The following PER1 variants were observed in gnomAD, a reference collection of about 807,000 sequenced individuals.
PER1 encodes period circadian protein homolog 1.
Under a neutral mutation model 125.9 loss-of-function variants are expected in PER1, and 87 were observed. The ratio of observed to expected loss-of-function variants is 0.69; its 90% CI spans 0.58 to 0.83. PER1 has a LOEUF of 0.83. Ranked by LOEUF, PER1 falls within the 40% of genes least tolerant of loss-of-function variation. The pLI is 0.00. For synonymous variants in PER1, 801 were observed against 714.7 expected, an observed-to-expected ratio of 1.12 and a Z score of -1.93; for missense variants, 1,775 against 1,722.8, an observed-to-expected ratio of 1.03 and a Z score of -0.54.
rs773913770 is a variant in PER1, at chr17:8,147,570, AG to A, written c.1396del (p.Leu466Ter). ...LGRHKVRTAPLNEDVFTPPAP... is the reference protein window; with the variant it reads ...LGRHKVRTAPXNEDVFTPPAP... ...CGGGGGAGTGAACACGTCCTCATTC[AG>A]GGGGGCCCTGTAGAGTGAAGAGTGA... is the stretch of plus-strand genomic sequence containing the variant. On this transcript the variant is annotated frameshift_variant, in exon 12 of 23. Coordinates refer to ENST00000317276, the MANE Select transcript of PER1 (RefSeq NM_002616.3). LOFTEE classifies it high-confidence loss of function. The A allele has an allele frequency of 1.2e-6, 2 of 1,613,482 alleles. No individual in the cohort carries two copies. The highest frequency in any genetic ancestry group is 8.5e-7 in the Non-Finnish European group (1 of 1,179,606).
chr17:8,144,538 C>T (rs1286582426), intron 18 of PER1: 3 of 576,622 alleles, frequency 5.2e-6, no homozygotes, highest in Middle Eastern at 2.6e-4. Context: ...ATCCCAGTGC[C>T]ATCCCCCCAG....
At position 8,142,032 on chromosome 17, in the gene PER1, C is replaced by T. The variant is rs189257351; in HGVS notation, c.3450-77G>A. 3.2e-6 allele frequency: 5 copies of T among 1,572,614 alleles called. No individual in the cohort carries two copies. In the Admixed American group the frequency reaches 5.1e-5, roughly 16 times the overall value. ...AGGACCCATGAAGCTGGCATCCTTC[C>T]TCTACCACAGCTTCCCACCTCATGC... On this transcript the variant is annotated intron_variant, in intron 21 of 22. Transcript: ENST00000317276.
At chr17:8,151,026 G>C (rs1477986689) in intron 1 of PER1, among the ~76,000 whole-genome samples, 181 bp from the exon 2 acceptor site, 1 of 152,188 alleles carries the variant, frequency 6.6e-6, no homozygotes, top group African/African-American at 2.4e-5. Context: ...GGGACTGCCA[G>C]CGGGAGAAGG....
chr17:8,146,585 A>G lies in PER1; in HGVS notation c.1907+9T>C. ...GCCCGAGGTGGAGAAGATGCCTGGC[A>G]GGCCTTACCTGAGGATGCTGTCCAG... On this transcript the variant is annotated intron_variant, in intron 15 of 22. Coordinates refer to ENST00000317276, the MANE Select transcript of PER1 (RefSeq NM_002616.3). 1 of 1,605,362 alleles carries G rather than the reference A, an allele frequency of 6.2e-7. No individual in the cohort carries two copies. The highest frequency in any genetic ancestry group is 1.1e-5 in the South Asian group (1 of 90,192).
chr17:8,142,558 G>A, intron 20 of PER1, 91 bp downstream of exon 20: 1 of 1,563,978 alleles, frequency 6.4e-7, no homozygotes, highest in Non-Finnish European at 8.7e-7. Flanking sequence ...CCATCCCAGT[G>A]GCCTTAGGAA....
At chr17:8,151,661 G>A (rs1316327114) in intron 1 of PER1, among the ~76,000 whole-genome samples, 2 of 152,076 alleles carry the variant, frequency 1.3e-5, no homozygotes, top group Non-Finnish European at 2.9e-5. Context: ...TTTAGCCCCT[G>A]CGCTGCTTCC....
At chr17:8,146,813 G>A (rs1567535062) in intron 14 of PER1, 48 bp from the exon 15 acceptor site, 1 of 1,604,586 alleles carries the variant, frequency 6.2e-7, no homozygotes, top group African/African-American at 1.3e-5. Context: ...AGCTCACATG[G>A]AAAAAAACAG....
At chr17:8,148,581 T>C (rs1982609463) in intron 8 of PER1, 63 bp downstream of exon 8, 2 of 1,525,298 alleles carry the variant, frequency 1.3e-6, no homozygotes, top group East Asian at 2.3e-5. Flanking sequence ...CAAATTCATG[T>C]CTGGCCATGA....
In PER1 at chr17:8,148,066, G is replaced by A. The variant is rs979086054; in HGVS notation, c.1165C>T (p.Leu389=). 5 of 1,612,340 alleles carry A rather than the reference G, an allele frequency of 3.1e-6. No individual in the cohort carries two copies. Among genetic ancestry groups the A allele is most frequent in the Non-Finnish European group, 4.2e-6 (5 of 1,179,376 alleles). ...PLLGYLPQDL[L]GAPVLLFLHP... ...AGGAACAGGAGCACTGGGGCCCCCA[G>A]GAGGTCCTGGGGCAGGTAGCCCAGC... The change falls in exon 10 of 23, where the codon CTG becomes TTG. Residue 389 remains leucine, a synonymous_variant. Coordinates refer to ENST00000317276, the MANE Select transcript of PER1 (RefSeq NM_002616.3).
chr17:8,152,345 A>C lies in PER1; in HGVS notation c.-148T>G, dbSNP rs1200631441. On this transcript the variant is annotated 5_prime_UTR_variant, in exon 1 of 23. Coordinates refer to ENST00000317276, the MANE Select transcript of PER1 (RefSeq NM_002616.3). ...GCCGCAGAGATGCCTACCTGGTCGC[A>C]GGAGTGTCCTCCGCACGCCTGCCCG... 6.6e-6 allele frequency: 1 copy of C among 152,392 alleles called. No individual in the cohort carries two copies. Among genetic ancestry groups the C allele is most frequent in the East Asian group, 1.9e-4 (1 of 5,224 alleles). 9.4% of individuals were successfully genotyped at this position (152,392 alleles called of 1,614,324 possible).
At position 8,146,736 on chromosome 17, in the gene PER1, G is replaced by A. The variant is rs555186218; in HGVS notation, c.1765C>T (p.Pro589Ser). The change falls in exon 15 of 23, where the codon CCC (proline) becomes TCC (serine). Residue 589 changes from proline (P) to serine (S), a missense_variant. Coordinates refer to ENST00000317276, the MANE Select transcript of PER1 (RefSeq NM_002616.3). ...AGCTCTGGGTCTGGGGATTGGCAGG[G>A]AAGGGCCTTGGCCTTGAACGTGCCT... is the stretch of plus-strand genomic sequence containing the variant. ...ATGTFKAKAL[P>S]CQSPDPELEA... The A allele has an allele frequency of 1.2e-6, 2 of 1,613,864 alleles. No homozygotes were observed. The highest frequency in any genetic ancestry group is 1.3e-5 in the African/African-American group (1 of 75,056).
chr17:8,146,511 G>A lies in PER1; in HGVS notation c.1908-9C>T. 6.2e-7 allele frequency: 1 copy of A among 1,610,948 alleles called. No homozygotes were observed. The highest frequency in any genetic ancestry group is 1.1e-5 in the South Asian group (1 of 90,544). The stretch of plus-strand genomic sequence containing the variant: ...TGCAGCTCTCCAGGTACCTGGGGAT[G>A]GACACAGCACAGGGCATCAGAGCAG... On this transcript the variant is annotated splice_polypyrimidine_tract_variant and intron_variant, in intron 15 of 22. Coordinates refer to ENST00000317276, the MANE Select transcript of PER1 (RefSeq NM_002616.3).
chr17:8,148,449 T>G lies in PER1; in HGVS notation c.1049-190A>C, dbSNP rs144282121. On this transcript the variant is annotated intron_variant, in intron 8 of 22. Transcript: ENST00000317276. Reference sequence around the variant, plus strand: ...ACATGACTGAGAGCAAGCAAGGCATTCTTCTCTGCCCTCCTCTAGCTTGGG... The same window carrying G: ...ACATGACTGAGAGCAAGCAAGGCATGCTTCTCTGCCCTCCTCTAGCTTGGG... 7.2e-4 allele frequency among the ~76,000 whole-genome samples: 109 copies of G among 152,274 alleles called. 1 individual carries two copies. Among genetic ancestry groups the G allele is most frequent in the African/African-American group, 2.5e-3 (104 of 41,548 alleles).
At position 8,146,587 on chromosome 17, in the gene PER1, G is replaced by C. The variant is rs758942435; in HGVS notation, c.1907+7C>G. 1.0e-5 allele frequency: 16 copies of C among 1,607,006 alleles called. No individual in the cohort carries two copies. The highest frequency in any genetic ancestry group is 6.7e-5 in the Admixed American group (4 of 59,448). On this transcript the variant is annotated splice_region_variant and intron_variant, in intron 15 of 22. Coordinates refer to ENST00000317276, the MANE Select transcript of PER1 (RefSeq NM_002616.3). ...CCGAGGTGGAGAAGATGCCTGGCAG[G>C]CCTTACCTGAGGATGCTGTCCAGGC...
chr17:8,150,828 T>G lies in PER1; in HGVS notation c.-122A>C. The G allele has an allele frequency of 1.1e-6, 1 of 915,160 alleles. No homozygotes were observed. Among genetic ancestry groups the G allele is most frequent in the Non-Finnish European group, 1.6e-6 (1 of 625,000 alleles). The allele number at this position is 915,160 out of a possible 1,614,324, so 56.7% of individuals were successfully genotyped here. A position where few individuals can be genotyped will look rare whatever the true frequency, so the allele number is the denominator to read the frequency against. On this transcript the variant is annotated 5_prime_UTR_variant, in exon 2 of 23. Coordinates refer to ENST00000317276, the MANE Select transcript of PER1 (RefSeq NM_002616.3). The stretch of plus-strand genomic sequence containing the variant: ...ATCTAAGTCTCTGAGGGTTGAGAAG[T>G]TCGATCACAGCCAGTACCTGGAGAG...
At position 8,147,726 on chromosome 17, in the gene PER1, G is replaced by T; in HGVS notation, c.1336C>A (p.His446Asn). 1 of 1,614,096 alleles carries T rather than the reference G, an allele frequency of 6.2e-7. No homozygotes were observed. Among genetic ancestry groups the T allele is most frequent in the Non-Finnish European group, 8.5e-7 (1 of 1,180,014 alleles). The change falls in exon 11 of 23, where the codon CAC becomes AAC. Residue 446 changes from histidine to asparagine, a missense_variant. His to Asn is a moderately conservative substitution (Grantham distance 68). Transcript: ENST00000317276. ...TMDTSWAGFVHPWSRKVAFVL... is the reference protein window; with the variant it reads ...TMDTSWAGFVNPWSRKVAFVL... ...AAGGCTACCTTGCGGCTCCAGGGGT[G>T]CACAAAGCCAGCCCAGCTGGTGTCC... is the stretch of plus-strand genomic sequence containing the variant.
intron 22 of PER1, 22 bp from the exon 23 acceptor site, chr17:8,141,362 GAGAGAGTC>G (rs1982069656): frequency 6.3e-7 from 1 of 1,579,284 alleles, no homozygotes; most frequent in Non-Finnish European, 8.6e-7. Flanking sequence ...AAATGGACAT[GAGAGAGTC>G]AGACAGGGTT....
chr17:8,147,070 A>G, intron 13 of PER1, 68 bp from the exon 14 acceptor site: 1 of 1,457,858 alleles, frequency 6.9e-7, no homozygotes, highest in South Asian at 1.2e-5. Flanking sequence ...CAAGGGCACA[A>G]TAAAACAAGA....
chr17:8,144,689 C>A, intron 18 of PER1, 62 bp downstream of exon 18: 2 of 1,536,218 alleles, frequency 1.3e-6, no homozygotes, highest in African/African-American at 1.4e-5. Flanking sequence ...TAAGACCCAC[C>A]CCCCAACAAT....
Sources: gnomAD v4.1 joint callset for allele counts (sites outside exome capture counted in the v4.1 genomes callset) on GRCh38, gnomAD v4.1.1 for gene constraint, MANE v1.5 for transcripts, NCBI Gene and HGNC (gene_info 2026-07-23, HGNC 2026-07-21) for gene names.